The following PTTG1IP variants were observed in gnomAD, a reference collection of about 807,000 sequenced individuals.
PTTG1IP encodes PTTG1 interacting protein.
PTTG1IP carries 16 observed loss-of-function variants against 24.4 expected under a neutral mutation model. That is an observed-to-expected ratio of 0.66 (90% CI 0.44 to 1.00). The LOEUF (loss-of-function observed/expected upper bound fraction) is 1.00. Ranked by LOEUF, PTTG1IP falls within the 50% of genes least tolerant of loss-of-function variation. The pLI is 0.00. For synonymous variants in PTTG1IP, 89 were observed against 96.8 expected, an observed-to-expected ratio of 0.92 and a Z score of 0.47; for missense variants, 241 against 245.8, an observed-to-expected ratio of 0.98 and a Z score of 0.13.
intron 1 of PTTG1IP, among the ~76,000 whole-genome samples, chr21:44,871,305 A>G (rs1430533614): frequency 1.3e-5 from 2 of 152,154 alleles, no homozygotes; most frequent in African/African-American, 2.4e-5. Flanking sequence ...AGTGGGACCC[A>G]CCACCTCGGG....
In PTTG1IP at chr21:44,856,193, C is replaced by T. The variant is rs778141805; in HGVS notation, c.449G>A (p.Arg150Gln). 9 of 1,614,118 alleles carry T rather than the reference C, an allele frequency of 5.6e-6. No homozygotes were observed. The highest frequency in any genetic ancestry group is 2.2e-5 in the East Asian group (1 of 44,878). The change falls in exon 4 of 6, where the codon CGG becomes CAG. Residue 150 changes from arginine to glutamine, a missense_variant and splice_region_variant. Arg to Gln is a conservative substitution (Grantham distance 43). Coordinates refer to ENST00000330938, the MANE Select transcript of PTTG1IP (RefSeq NM_004339.4). ...REERRIRQEE[R>Q]RAEMKTRHDE... ...CCAGCGGGCATCACCACCACCTCAC[C>T]GTTCCTCCTGCCGTATCCGCCTCTC...
chr21:44,863,360 C>A (rs921572413), intron 2 of PTTG1IP, among the ~76,000 whole-genome samples: 3 of 151,876 alleles, frequency 2.0e-5, no homozygotes, highest in African/African-American at 7.3e-5. Context: ...CTCTTGAGAC[C>A]TCCCAGGCAC....
At chr21:44,858,653 A>G (rs1033941184) in intron 3 of PTTG1IP, among the ~76,000 whole-genome samples, 6 of 151,828 alleles carry the variant, frequency 4.0e-5, no homozygotes, top group African/African-American at 1.5e-4. Context: ...GTGACTAGTC[A>G]CCTGCTGCCG....
At chr21:44,865,647 C>A in intron 1 of PTTG1IP, 200 bp from the exon 2 acceptor site, 1 of 625,316 alleles carries the variant, frequency 1.6e-6, no homozygotes. Context: ...GTTCAGGAAC[C>A]CCGCTGCAGG....
chr21:44,851,575 AGC>A lies in PTTG1IP; in HGVS notation c.*4_*5del. On this transcript the variant is annotated 3_prime_UTR_variant, in exon 6 of 6. Transcript: ENST00000330938. ...GGAAGCGTCGGGACTGATGTGCTGG[AGC>A]GCTTTAGTTGTTTTCAAATCTAGCA... 6.2e-7 allele frequency: 1 copy of A among 1,607,654 alleles called. No homozygotes were observed. The highest frequency in any genetic ancestry group is 8.5e-7 in the Non-Finnish European group (1 of 1,174,426).
intron 5 of PTTG1IP, among the ~76,000 whole-genome samples, chr21:44,854,620 A>G (rs1301732388): frequency 1.3e-5 from 2 of 152,248 alleles, no homozygotes; most frequent in African/African-American, 4.8e-5. Flanking sequence ...GGGAGTATAG[A>G]TAACGTAATG....
intron 5 of PTTG1IP, among the ~76,000 whole-genome samples, chr21:44,853,658 T>C (rs994673325): frequency 6.6e-6 from 1 of 152,092 alleles, no homozygotes. Flanking sequence ...AGGGCAACCC[T>C]GGTGCTGCTC....
intron 3 of PTTG1IP, among the ~76,000 whole-genome samples, chr21:44,859,086 C>T (rs902614939): frequency 4.6e-5 from 7 of 152,362 alleles, no homozygotes; most frequent in South Asian, 2.1e-4. Flanking sequence ...AGGACCCAGG[C>T]GTCCCTGAGT....
rs1204482632 is a variant in PTTG1IP at position 44,849,883 on chromosome 21, G to A, written c.*1698C>T. 1 of 152,202 alleles carries A rather than the reference G, an allele frequency of 6.6e-6. No individual in the cohort carries two copies. Among genetic ancestry groups the A allele is most frequent in the Non-Finnish European group, 1.5e-5 (1 of 68,040 alleles). The allele number at this position is 152,202 out of a possible 1,614,324, so 9.4% of individuals were successfully genotyped here. On this transcript the variant is annotated 3_prime_UTR_variant, in exon 6 of 6. Transcript: ENST00000330938. ...AGAGTTCACTGAAGTCTATTACCAAGTGTCTTTTATGAATAAACAATACAA... is the reference window on the plus strand; with the variant it reads ...AGAGTTCACTGAAGTCTATTACCAAATGTCTTTTATGAATAAACAATACAA...
chr21:44,855,857 C>T (rs977154234), intron 4 of PTTG1IP, among the ~76,000 whole-genome samples: 1 of 152,212 alleles, frequency 6.6e-6, no homozygotes, highest in African/African-American at 2.4e-5. Flanking sequence ...GCTGTCCCCT[C>T]TGAGCCTCAG....
rs763956383 is a variant in PTTG1IP at position 44,865,390 on chromosome 21, CTTACGGAGACGTTCTTCAG to C, written c.154_168+4del. The C allele has an allele frequency of 1.2e-6, 2 of 1,614,134 alleles. No individual in the cohort carries two copies. Among genetic ancestry groups the C allele is most frequent in the South Asian group, 1.1e-5 (1 of 91,090 alleles). On this transcript the variant is annotated splice_donor_variant and splice_donor_region_variant and coding_sequence_variant and intron_variant, in exon 2 of 6. Transcript: ENST00000330938. LOFTEE classifies it high-confidence loss of function. ...ACTCTGGTCTCTAGTCCACGTGCTACTTACGGAGACGTTCTTCAGGCACTCTTCACAGGTTTTGTTTGTG... is the reference window on the plus strand; with the variant it reads ...ACTCTGGTCTCTAGTCCACGTGCTACGCACTCTTCACAGGTTTTGTTTGTG...
intron 5 of PTTG1IP, among the ~76,000 whole-genome samples, chr21:44,853,905 C>CGACACTTCGAGACCGGCAG (rs1569320903): frequency 1.3e-5 from 2 of 152,208 alleles, no homozygotes; most frequent in African/African-American, 4.8e-5. Flanking sequence ...GCCCCCAAGC[C>CGACACTTCGAGACCGGCAG]GACACTTCGA....
intron 1 of PTTG1IP, among the ~76,000 whole-genome samples, chr21:44,872,314 G>A (rs987397330): frequency 6.6e-6 from 1 of 152,198 alleles, no homozygotes; most frequent in Non-Finnish European, 1.5e-5. Context: ...CAGGTAAGAA[G>A]AAACACAAAT....
At chr21:44,867,603 G>A (rs1468994898) in intron 1 of PTTG1IP, among the ~76,000 whole-genome samples, 1 of 152,242 alleles carries the variant, frequency 6.6e-6, no homozygotes, top group Non-Finnish European at 1.5e-5. Context: ...TGACAGGCAT[G>A]GTGAAGGCAG....
chr21:44,864,415 A>G (rs2083518668), intron 2 of PTTG1IP, among the ~76,000 whole-genome samples: 3 of 152,168 alleles, frequency 2.0e-5, no homozygotes. Context: ...TGTTTTTTAA[A>G]GACAGTTTTT....
intron 1 of PTTG1IP, among the ~76,000 whole-genome samples, chr21:44,867,441 G>T (rs1011863446): frequency 6.6e-6 from 1 of 152,246 alleles, no homozygotes; most frequent in South Asian, 2.1e-4. Context: ...GGCCATGCGT[G>T]GGGGAGGCTG....
intron 1 of PTTG1IP, 94 bp from the exon 2 acceptor site, chr21:44,865,541 T>C (rs917017494): frequency 6.0e-5 from 77 of 1,275,252 alleles, no homozygotes; most frequent in Non-Finnish European, 8.6e-5. Flanking sequence ...GTGAGGGGTG[T>C]GGCACCAAGA....
intron 3 of PTTG1IP, among the ~76,000 whole-genome samples, chr21:44,858,153 T>C (rs1346785133): frequency 2.0e-5 from 3 of 152,244 alleles, no homozygotes; most frequent in African/African-American, 7.2e-5. Context: ...AAGAGAGGCA[T>C]CTTTGCCTCT....
At position 44,851,291 on chromosome 21, in the gene PTTG1IP, C is replaced by T. The variant is rs750362215; in HGVS notation, c.*290G>A. 3.5e-5 allele frequency: 50 copies of T among 1,432,910 alleles called. No homozygotes were observed. The highest frequency in any genetic ancestry group is 4.5e-5 in the Non-Finnish European group (49 of 1,082,260). The allele number at this position is 1,432,910 out of a possible 1,614,324, so 88.8% of individuals were successfully genotyped here. A position where few individuals can be genotyped will look rare whatever the true frequency, so the allele number is the denominator to read the frequency against. ...GGGTGCCGTCAGGCGGCTTCGTGTGCAGTTAGCGTTTCACAAACTGAGAAG... is the reference window on the plus strand; with the variant it reads ...GGGTGCCGTCAGGCGGCTTCGTGTGTAGTTAGCGTTTCACAAACTGAGAAG... On this transcript the variant is annotated 3_prime_UTR_variant, in exon 6 of 6. Coordinates refer to ENST00000330938, the MANE Select transcript of PTTG1IP (RefSeq NM_004339.4).
Sources: allele counts gnomAD v4.1 joint callset (sites outside exome capture counted in the v4.1 genomes callset), GRCh38; gene constraint gnomAD v4.1.1; transcripts MANE v1.5; gene names NCBI Gene and HGNC (gene_info 2026-07-23, HGNC 2026-07-21).